The following NLGN1 variants were observed in gnomAD, a reference collection of about 807,000 sequenced individuals.
NLGN1 encodes neuroligin-1.
Under a neutral mutation model 65.5 loss-of-function variants are expected in NLGN1, and 12 were observed. The ratio of observed to expected loss-of-function variants is 0.18; its 90% CI spans 0.12 to 0.30. The LOEUF is 0.30. Among genes scored for constraint, NLGN1 ranks in the 10% least tolerant of loss-of-function variants. The pLI is 1.00. For missense variants in NLGN1, 750 were observed against 1,007.1 expected (o/e 0.74, Z 3.46); for synonymous variants, 350 against 359.5 (o/e 0.97, Z 0.30).
chr3:173,940,740 T>C (rs974934442), intron 4 of NLGN1, among the ~76,000 whole-genome samples: 4 of 152,164 alleles, frequency 2.6e-5, no homozygotes, highest in African/African-American at 9.7e-5. Context: ...TGCCTTACAA[T>C]TTCTCCCCCA....
At chr3:173,702,330 T>A (rs1767344612) in intron 3 of NLGN1, among the ~76,000 whole-genome samples, 1 of 152,074 alleles carries the variant, frequency 6.6e-6, no homozygotes, top group South Asian at 2.1e-4. Flanking sequence ...AGGGAAGAGT[T>A]ACTTCACGAC....
intron 3 of NLGN1, among the ~76,000 whole-genome samples, chr3:173,639,469 T>C (rs1056982565): frequency 6.6e-6 from 1 of 152,252 alleles, no homozygotes; most frequent in East Asian, 1.9e-4. Context: ...TGAAAACTGA[T>C]AGGGATAAGG....
At chr3:173,646,787 A>G (rs1158866095) in intron 3 of NLGN1, among the ~76,000 whole-genome samples, 1 of 152,204 alleles carries the variant, frequency 6.6e-6, no homozygotes, top group African/African-American at 2.4e-5. Flanking sequence ...AGGGGAATAA[A>G]CAGATGGAAC....
intron 4 of NLGN1, among the ~76,000 whole-genome samples, chr3:173,882,721 A>T (rs964145118): frequency 2.0e-5 from 3 of 152,218 alleles, no homozygotes; most frequent in Non-Finnish European, 4.4e-5. Flanking sequence ...AACCTTCTCC[A>T]TATCATCAAT....
chr3:173,759,389 T>C (rs1192238099), intron 3 of NLGN1, among the ~76,000 whole-genome samples: 1 of 152,014 alleles, frequency 6.6e-6, no homozygotes, highest in Non-Finnish European at 1.5e-5. Context: ...TTTTCTTATG[T>C]AGTTTCACCA....
At chr3:173,514,846 TC>T (rs1733565458) in intron 2 of NLGN1, among the ~76,000 whole-genome samples, 2 of 152,244 alleles carry the variant, frequency 1.3e-5, no homozygotes, top group Admixed American at 6.5e-5. Flanking sequence ...TTCCTTCTTT[TC>T]TAGGGCTGAA....
At chr3:173,398,530 G>T (rs1717044105) in intron 1 of NLGN1, 1 of 152,156 alleles carries the variant, frequency 6.6e-6, no homozygotes, top group Non-Finnish European at 1.5e-5. Flanking sequence ...AATTATTTAG[G>T]TTGAGATTTT....
chr3:174,211,586 C>T lies in NLGN1; in HGVS notation c.647-63729C>T, dbSNP rs75887338. Among the ~76,000 whole-genome samples, 7 of 27,618 alleles carry T rather than the reference C, an allele frequency of 2.5e-4. No homozygotes were observed. The Admixed American group carries it at 2.8e-3, about 11-fold the overall frequency. The allele number at this position is 27,618 out of a possible 152,430, so 18.1% of individuals were successfully genotyped here. ...CTGAGCTAGACATAAAGGTTCTCCA[C>T]GTCCCCACCAGAGCAGCTAGATACA... On this transcript the variant is annotated intron_variant, in intron 4 of 6. Coordinates refer to ENST00000457714, the Ensembl canonical transcript of NLGN1.
chr3:174,280,646 C>T lies in NLGN1; in HGVS notation c.1815C>T (p.Leu605=). 6.2e-7 allele frequency: 1 copy of T among 1,613,308 alleles called. No individual in the cohort carries two copies. The highest frequency in any genetic ancestry group is 8.5e-7 in the Non-Finnish European group (1 of 1,179,514). ...ATTACAGAGCCAATAAGGTGAACCT[C>T]TGGTTGGAGTTGGTACCTCATCTGC... Residue 605 remains leucine, a synonymous_variant, in exon 7 of 7, where the codon CTC becomes CTT. Coordinates refer to ENST00000457714, the Ensembl canonical transcript of NLGN1. The surrounding 1 kb of genome is among the most constrained non-coding windows in gnomAD (Gnocchi z 4.9).
chr3:174,048,455 T>G (rs1180865357), intron 4 of NLGN1, among the ~76,000 whole-genome samples: 2 of 152,056 alleles, frequency 1.3e-5, no homozygotes, highest in Non-Finnish European at 2.9e-5. Context: ...GTATTGAGTT[T>G]GGTCACAGAC....
chr3:173,659,346 A>G (rs1188771039), intron 3 of NLGN1, among the ~76,000 whole-genome samples: 1 of 151,994 alleles, frequency 6.6e-6, no homozygotes, highest in Admixed American at 6.6e-5. Flanking sequence ...TTTCAAATGA[A>G]CAAATTGGTG....
chr3:173,736,365 A>G (rs1360437199), intron 3 of NLGN1, among the ~76,000 whole-genome samples: 1 of 152,032 alleles, frequency 6.6e-6, no homozygotes, highest in Non-Finnish European at 1.5e-5. Context: ...TGTGATCACT[A>G]AGTTTAGGAA....
rs1698167565 is a variant in NLGN1, at chr3:174,103,911, C to T, written c.647-171404C>T. The stretch of plus-strand genomic sequence containing the variant: ...AGCTAACACTGTGTACTTCACACTA[C>T]TGCTATTTATTATTTTTCTTTTTCT... On this transcript the variant is annotated intron_variant, in intron 4 of 6. Transcript: ENST00000457714. Among the ~76,000 whole-genome samples, 3 of 151,916 alleles carry T rather than the reference C, an allele frequency of 2.0e-5. No homozygotes were observed. In the South Asian group the frequency reaches 6.2e-4, roughly 31 times the overall value.
intron 4 of NLGN1, among the ~76,000 whole-genome samples, chr3:173,829,166 T>C (rs1413055830): frequency 6.6e-6 from 1 of 152,070 alleles, no homozygotes; most frequent in African/African-American, 2.4e-5. Context: ...ATGTTCTCAG[T>C]CACTGCAAGA....
intron 4 of NLGN1, among the ~76,000 whole-genome samples, chr3:173,972,739 T>C (rs1336663750): frequency 1.3e-5 from 2 of 152,034 alleles, no homozygotes; most frequent in South Asian, 2.1e-4. Context: ...GATTGGAAGA[T>C]TAAAAATTGA....
intron 4 of NLGN1, among the ~76,000 whole-genome samples, chr3:174,270,459 C>CTAAT (rs1224291145): frequency 6.6e-6 from 1 of 151,598 alleles, no homozygotes; most frequent in Non-Finnish European, 1.5e-5. Context: ...CCATATATGC[C>CTAAT]TAATTGTGAG....
intron 4 of NLGN1, among the ~76,000 whole-genome samples, chr3:174,150,986 A>G (rs977097040): frequency 1.3e-5 from 2 of 151,234 alleles, no homozygotes; most frequent in East Asian, 3.9e-4. Context: ...CTCATTGTGG[A>G]CACCCTCCTC....
At position 173,739,580 on chromosome 3, in the gene NLGN1, A is replaced by G. The variant is rs187307990; in HGVS notation, c.494-68100A>G. On this transcript the variant is annotated intron_variant, in intron 3 of 6. Transcript: ENST00000457714. ...AAACTCCACTAGAGTCCTCCTGGAA[A>G]AGGTACTTCTGATGTAAAAGACCTC... 9.9e-5 allele frequency among the ~76,000 whole-genome samples: 15 copies of G among 152,178 alleles called. 1 individual carries two copies. Among genetic ancestry groups the G allele is most frequent in the South Asian group, 4.1e-4 (2 of 4,826 alleles).
chr3:174,090,097 T>C (rs1260136308), intron 4 of NLGN1, among the ~76,000 whole-genome samples: 3 of 152,184 alleles, frequency 2.0e-5, no homozygotes, highest in African/African-American at 7.2e-5. Context: ...TCACTTTTTC[T>C]GTATGTGAAC....
Sources: gnomAD v4.1 joint callset for allele counts (sites outside exome capture counted in the v4.1 genomes callset) on GRCh38, gnomAD v4.1.1 for gene constraint, Gnocchi (gnomAD v3.1) non-coding constraint, MANE v1.5 for transcripts, NCBI Gene and HGNC (gene_info 2026-07-23, HGNC 2026-07-21) for gene names.